Variants in CERK observed in about 807,000 individuals in gnomAD.
CERK encodes the protein acylsphingosine kinase.
CERK carries 39 observed loss-of-function variants against 63.4 expected under a neutral mutation model. The observed-to-expected ratio is 0.61, with a 90% CI of 0.48 to 0.80. The LOEUF (loss-of-function observed/expected upper bound fraction) is 0.80, where lower values mean the gene tolerates loss of function less well. Among genes scored for constraint, CERK ranks in the 30% least tolerant of loss-of-function variants. The pLI is 0.00. For synonymous variants in CERK, 302 were observed against 280.0 expected, an observed-to-expected ratio of 1.08 and a Z score of -0.78; for missense variants, 670 against 714.1, an observed-to-expected ratio of 0.94 and a Z score of 0.70.
intron 1 of CERK, among the ~76,000 whole-genome samples, chr22:46,724,796 G>T (rs1018516801): frequency 6.6e-6 from 1 of 152,240 alleles, no homozygotes; most frequent in East Asian, 1.9e-4. Context: ...AAGGTGGGCG[G>T]ATCACGAGGT....
intron 1 of CERK, among the ~76,000 whole-genome samples, chr22:46,726,230 G>A (rs1011017869): frequency 6.6e-6 from 1 of 152,258 alleles, no homozygotes; most frequent in Non-Finnish European, 1.5e-5. Flanking sequence ...TTGGGCATAT[G>A]CAACGAGAAC....
At chr22:46,730,053 A>G (rs527642820) in intron 1 of CERK, among the ~76,000 whole-genome samples, 1 of 151,678 alleles carries the variant, frequency 6.6e-6, no homozygotes, top group South Asian at 2.1e-4. Context: ...CAAACAAACA[A>G]ACAAACAAAC....
At chr22:46,702,647 A>G (rs1039731975) in intron 6 of CERK, among the ~76,000 whole-genome samples, 4 of 152,188 alleles carry the variant, frequency 2.6e-5, no homozygotes, top group Non-Finnish European at 5.9e-5. Flanking sequence ...ATTACTTGAG[A>G]TCTTAATACC....
intron 8 of CERK, among the ~76,000 whole-genome samples, chr22:46,696,189 C>T (rs1041219927): frequency 1.3e-5 from 2 of 152,208 alleles, no homozygotes; most frequent in Admixed American, 6.5e-5. Context: ...AGTCTGGCTC[C>T]TAGGACATCT....
chr22:46,711,919 C>T (rs550465709), intron 4 of CERK, among the ~76,000 whole-genome samples: 1 of 152,240 alleles, frequency 6.6e-6, no homozygotes, highest in Non-Finnish European at 1.5e-5. Context: ...GAAACCCCGC[C>T]TATACAAAAA....
At chr22:46,691,003 A>G (rs192690042) in intron 11 of CERK, among the ~76,000 whole-genome samples, 28 of 151,486 alleles carry the variant, frequency 1.8e-4, no homozygotes, top group East Asian at 1.4e-3. Context: ...ATGTATGTGT[A>G]TGTATATACA....
intron 8 of CERK, among the ~76,000 whole-genome samples, chr22:46,698,437 G>A (rs1367333352): frequency 3.9e-5 from 6 of 152,250 alleles, no homozygotes; most frequent in African/African-American, 9.6e-5. Context: ...TGTATGGCTA[G>A]CTACGGTGTA....
chr22:46,726,149 G>A (rs529328813), intron 1 of CERK, among the ~76,000 whole-genome samples: 1 of 152,348 alleles, frequency 6.6e-6, no homozygotes, highest in South Asian at 2.1e-4. Flanking sequence ...GGCAGGGCAG[G>A]GTCAAGGTGG....
chr22:46,710,402 G>A (rs141276952), intron 5 of CERK, among the ~76,000 whole-genome samples: 136 of 151,452 alleles, frequency 9.0e-4, no homozygotes, highest in Middle Eastern at 3.4e-3. Context: ...ACTCCAGCCT[G>A]GGCAACAAGA....
Position 46,699,459 on chromosome 22 carries a change from G to T in CERK, c.797C>A (p.Ser266Ter). 2.5e-6 allele frequency: 4 copies of T among 1,614,098 alleles called. No individual in the cohort carries two copies. Among genetic ancestry groups the T allele is most frequent in the Non-Finnish European group, 3.4e-6 (4 of 1,179,990 alleles). ...GACTGAGGACACATCCATGGCCAGC[G>T]AGTCCCCTGTGGGAGAGAACGGCCG... ...TSALHIVVGD[S>*]LAMDVSSVHH... Residue 266 changes from serine (S) to a stop codon, truncating the protein, a stop_gained, in exon 8 of 13, where the codon TCG becomes TAG. Transcript: ENST00000216264. LOFTEE classifies it high-confidence loss of function.
At chr22:46,730,485 C>T (rs1255308508) in intron 1 of CERK, among the ~76,000 whole-genome samples, 1 of 151,796 alleles carries the variant, frequency 6.6e-6, no homozygotes, top group African/African-American at 2.4e-5. Flanking sequence ...AAATTTAAAA[C>T]TGGAAAGTAC....
At chr22:46,710,956 T>C in intron 5 of CERK, 130 bp downstream of exon 5, 1 of 678,484 alleles carries the variant, frequency 1.5e-6, no homozygotes, top group Non-Finnish European at 2.6e-6. Context: ...AAGAAGCATG[T>C]TTACTTTTAC....
intron 1 of CERK, among the ~76,000 whole-genome samples, chr22:46,732,691 C>A (rs545409948): frequency 4.5e-4 from 69 of 152,088 alleles, no homozygotes; most frequent in African/African-American, 1.6e-3. Flanking sequence ...CCAGAAGCGT[C>A]CTGAAACTTC....
At chr22:46,730,106 G>GT (rs1286317086) in intron 1 of CERK, among the ~76,000 whole-genome samples, 1 of 152,032 alleles carries the variant, frequency 6.6e-6, no homozygotes, top group African/African-American at 2.4e-5. Context: ...CTGAGACACA[G>GT]TTGAACATAC....
chr22:46,720,050 C>T lies in CERK; in HGVS notation c.379+36G>A, dbSNP rs200379345. 4.0e-5 allele frequency: 64 copies of T among 1,604,184 alleles called. 1 individual carries two copies. Among genetic ancestry groups the T allele is most frequent in the African/African-American group, 1.5e-4 (11 of 74,854 alleles). On this transcript the variant is annotated intron_variant, in intron 3 of 12. Coordinates refer to ENST00000216264, the MANE Select transcript of CERK (RefSeq NM_022766.6). Reference sequence around the variant, plus strand: ...CCAATCAGGCATGCGCATGCCACCACGGCCATCCTGTCTCTCAGTCCAAAC... The same window carrying T: ...CCAATCAGGCATGCGCATGCCACCATGGCCATCCTGTCTCTCAGTCCAAAC...
intron 7 of CERK, 36 bp downstream of exon 7, chr22:46,701,600 G>T: frequency 6.5e-7 from 1 of 1,533,904 alleles, no homozygotes; most frequent in Non-Finnish European, 8.8e-7. Flanking sequence ...AGGAGGCCCG[G>T]CTGCCACCGT....
intron 1 of CERK, among the ~76,000 whole-genome samples, chr22:46,734,122 T>C (rs944253008): frequency 2.0e-5 from 3 of 151,548 alleles, no homozygotes; most frequent in African/African-American, 7.3e-5. Context: ...TACTCTTAAA[T>C]ATGCACCCAA....
In CERK at chr22:46,684,570, G is replaced by C. The variant is rs748300676; in HGVS notation, c.*2564C>G. The stretch of plus-strand genomic sequence containing the variant: ...TGTATTCAGGAACGAAGTCAAACTC[G>C]GCCTCACTTCTTAATTAGAATAAAC... On this transcript the variant is annotated 3_prime_UTR_variant, in exon 13 of 13. Coordinates refer to ENST00000216264, the MANE Select transcript of CERK (RefSeq NM_022766.6). 1.3e-5 allele frequency: 2 copies of C among 152,114 alleles called. No homozygotes were observed. The highest frequency in any genetic ancestry group is 2.9e-5 in the Non-Finnish European group (2 of 68,030). 9.4% of individuals were successfully genotyped at this position (152,114 alleles called of 1,614,324 possible).
chr22:46,735,239 T>C (rs1341003367), intron 1 of CERK: 1 of 152,304 alleles, frequency 6.6e-6, no homozygotes, highest in Non-Finnish European at 1.5e-5. Context: ...CCTGTTTTCG[T>C]CCTGCCCTAC....
Sources: gnomAD v4.1 joint callset for allele counts (sites outside exome capture counted in the v4.1 genomes callset) on GRCh38, gnomAD v4.1.1 for gene constraint, MANE v1.5 for transcripts, NCBI Gene and HGNC (gene_info 2026-07-23, HGNC 2026-07-21) for gene names.